CSMD1: variants seen among roughly 807,000 people sequenced by gnomAD.
CSMD1 encodes the protein CUB and Sushi multiple domains 1.
A neutral mutation model predicts 417.5 loss-of-function variants in CSMD1; 213 were observed. The observed-to-expected ratio is 0.51, with a 90% CI of 0.46 to 0.57. The LOEUF (loss-of-function observed/expected upper bound fraction) is 0.57. Among genes scored for constraint, CSMD1 ranks in the 20% least tolerant of loss-of-function variants. The probability of loss-of-function intolerance (pLI) is 0.00; values close to 1 mark genes in which losing one functional copy is unlikely to be tolerated. For missense variants in CSMD1, 6,923 were observed against 4,529.7 expected (o/e 1.53, Z -15.17); for synonymous variants, 2,862 against 1,736.8 (o/e 1.65, Z -16.11).
At chr8:3,592,898 G>C (rs562765911) in intron 8 of CSMD1, among the ~76,000 whole-genome samples, 105 of 152,126 alleles carry the variant, frequency 6.9e-4, no homozygotes, top group Admixed American at 1.6e-3. Context: ...TCCACTATAA[G>C]AAATAAAGTC....
chr8:4,613,657 T>C (rs1487804980), intron 2 of CSMD1, among the ~76,000 whole-genome samples: 1 of 152,060 alleles, frequency 6.6e-6, no homozygotes, highest in African/African-American at 2.4e-5. Context: ...CTTAATGAAT[T>C]ATATGCAAAA....
chr8:4,234,459 G>T (rs1441823363), intron 3 of CSMD1, among the ~76,000 whole-genome samples: 2 of 152,096 alleles, frequency 1.3e-5, no homozygotes, highest in African/African-American at 4.8e-5. Flanking sequence ...CCATTTCTCT[G>T]TGTGGCCATT....
Position 2,942,595 on chromosome 8 carries a change from T to C in CSMD1, c.10412A>G (p.Asn3471Ser), listed in dbSNP as rs1563167374. The C allele has an allele frequency of 6.3e-7, 1 of 1,586,348 alleles. No homozygotes were observed. Among genetic ancestry groups the C allele is most frequent in the Non-Finnish European group, 8.6e-7 (1 of 1,165,412 alleles). The change falls in exon 69 of 70, where the codon AAC (asparagine) becomes AGC (serine). Residue 3471 changes from asparagine (N) to serine (S), a missense_variant. Transcript: ENST00000635120. ...KFKLERQDPL[N>S]PDQDSSSHYH... ...ATGACTGGAAGAGTCTTGATCTGGG[T>C]TTAAAGGATCTGTAAGATAAAGGAA...
At chr8:3,025,201 A>C (rs557003095) in intron 51 of CSMD1, among the ~76,000 whole-genome samples, 52 of 148,596 alleles carry the variant, frequency 3.5e-4, no homozygotes, top group African/African-American at 1.3e-3. Flanking sequence ...GTGTGGTGTT[A>C]TTCTGAAACT....
chr8:4,541,165 G>A (rs2130514522), intron 2 of CSMD1, among the ~76,000 whole-genome samples: 1 of 152,162 alleles, frequency 6.6e-6, no homozygotes, highest in East Asian at 1.9e-4. Flanking sequence ...TGGTGCCAGG[G>A]CTCAATTTCA....
chr8:4,734,836 G>C (rs1368906750), intron 1 of CSMD1, among the ~76,000 whole-genome samples: 1 of 152,088 alleles, frequency 6.6e-6, no homozygotes, highest in African/African-American at 2.4e-5. Flanking sequence ...TTGGCTCTGT[G>C]GACTGAACTC....
At chr8:4,020,816 T>C (rs930979308) in intron 4 of CSMD1, among the ~76,000 whole-genome samples, 1 of 152,230 alleles carries the variant, frequency 6.6e-6, no homozygotes, top group Non-Finnish European at 1.5e-5. Context: ...CTTTTTAGAT[T>C]AATCAAGAGT....
At chr8:4,358,370 G>C (rs1484409035) in intron 3 of CSMD1, among the ~76,000 whole-genome samples, 1 of 152,114 alleles carries the variant, frequency 6.6e-6, no homozygotes, top group East Asian at 1.9e-4. Context: ...ACTTTTTAAT[G>C]GTTGAAAAGA....
chr8:4,545,809 A>G (rs1049239376), intron 2 of CSMD1, among the ~76,000 whole-genome samples: 3 of 152,224 alleles, frequency 2.0e-5, no homozygotes, highest in Non-Finnish European at 4.4e-5. Flanking sequence ...AGAGCAAACT[A>G]GCTCATCATC....
chr8:3,826,937 CCTAG>C (rs1365769414), intron 5 of CSMD1, among the ~76,000 whole-genome samples: 3 of 152,006 alleles, frequency 2.0e-5, no homozygotes, highest in African/African-American at 7.2e-5. Context: ...CAGGCATGTG[CCTAG>C]CTATTTTTTT....
chr8:3,796,542 A>G lies in CSMD1; in HGVS notation c.819-42500T>C, dbSNP rs191185554. On this transcript the variant is annotated intron_variant, in intron 5 of 69. Transcript: ENST00000635120. ...ATATCTATATCTAAGATATATATCTATATCCATACATGATAGATATATATC... is the reference window on the plus strand; with the variant it reads ...ATATCTATATCTAAGATATATATCTGTATCCATACATGATAGATATATATC... Among the ~76,000 whole-genome samples the G allele has an allele frequency of 2.3e-3, 339 of 144,986 alleles. 1 individual carries two copies. The highest frequency in any genetic ancestry group is 7.2e-3 in the African/African-American group (290 of 40,056).
At chr8:4,086,976 TTC>T (rs1260627672) in intron 3 of CSMD1, among the ~76,000 whole-genome samples, 2 of 152,232 alleles carry the variant, frequency 1.3e-5, no homozygotes, top group Admixed American at 1.3e-4. Context: ...TGCTCTGAGC[TTC>T]TGTTTCCTCA....
At chr8:4,563,376 G>T (rs58916494) in intron 2 of CSMD1, among the ~76,000 whole-genome samples, 3 of 152,052 alleles carry the variant, frequency 2.0e-5, no homozygotes, top group Admixed American at 2.0e-4. Flanking sequence ...ACTCCAGCCT[G>T]GGTAACAGAG....
intron 2 of CSMD1, among the ~76,000 whole-genome samples, chr8:4,467,122 TAAAAAAAAAA>T (rs35481238): frequency 3.5e-5 from 3 of 86,268 alleles, no homozygotes; most frequent in South Asian, 7.4e-4. Context: ...TTCTTCAGAG[TAAAAAAAAAA>T]AAAAAAAAGA....
intron 10 of CSMD1, among the ~76,000 whole-genome samples, chr8:3,559,228 C>G (rs796822452): frequency 6.6e-6 from 1 of 152,154 alleles, no homozygotes; most frequent in South Asian, 2.1e-4. Flanking sequence ...TGTGCAACAA[C>G]ATTACCATAA....
At chr8:4,270,782 G>C (rs1435319940) in intron 3 of CSMD1, among the ~76,000 whole-genome samples, 1 of 152,142 alleles carries the variant, frequency 6.6e-6, no homozygotes, top group African/African-American at 2.4e-5. Flanking sequence ...CCCCCAGGGG[G>C]CTGTGGCTTC....
intron 5 of CSMD1, among the ~76,000 whole-genome samples, chr8:3,926,714 C>CTTTTTTTTTT (rs56721822): frequency 5.8e-5 from 6 of 103,496 alleles, no homozygotes; most frequent in African/African-American, 1.2e-4. Context: ...AAATTGACAC[C>CTTTTTTTTTT]TTTTTTTTTT....
chr8:3,938,672 T>A (rs1810668683), intron 5 of CSMD1, among the ~76,000 whole-genome samples: 1 of 152,184 alleles, frequency 6.6e-6, no homozygotes, highest in Non-Finnish European at 1.5e-5. Context: ...CTTCTGTTAA[T>A]TACTTTGAAT....
chr8:3,416,447 A>G (rs967112289), intron 12 of CSMD1, among the ~76,000 whole-genome samples: 2 of 152,234 alleles, frequency 1.3e-5, no homozygotes, highest in African/African-American at 4.8e-5. Context: ...AATGTGGACT[A>G]TGATGGATTT....
Sources: gnomAD v4.1 joint callset for allele counts (sites outside exome capture counted in the v4.1 genomes callset) on GRCh38, gnomAD v4.1.1 for gene constraint, MANE v1.5 for transcripts, NCBI Gene and HGNC (gene_info 2026-07-23, HGNC 2026-07-21) for gene names.